The following ACTN1 variants were observed in gnomAD, a reference collection of about 807,000 sequenced individuals.
ACTN1 encodes alpha-actinin-1.
A neutral mutation model predicts 119.6 loss-of-function variants in ACTN1; 30 were observed. The observed-to-expected ratio is 0.25, with a 90% CI of 0.19 to 0.34. The LOEUF (loss-of-function observed/expected upper bound fraction) is 0.34, where lower values mean the gene tolerates loss of function less well. Among genes scored for constraint, ACTN1 ranks in the 10% least tolerant of loss-of-function variants. The pLI is 1.00. For synonymous variants in ACTN1, 429 were observed against 472.6 expected (o/e 0.91, Z 1.20); for missense variants, 764 against 1,223.4 (o/e 0.62, Z 5.60).
rs770779322 is a variant in ACTN1, at chr14:68,879,085, G to A, written c.2281-16C>T. ...CGGAGTGATCCTGGGGCCGCGGTGC[G>A]CCAGGCAGCGAGCCATGCGGTGTCA... On this transcript the variant is annotated splice_polypyrimidine_tract_variant and intron_variant, in intron 18 of 21. Transcript: ENST00000394419. The surrounding 1 kb of genome is among the most constrained non-coding windows in gnomAD (Gnocchi z 4.9). The A allele has an allele frequency of 3.3e-5, 53 of 1,597,826 alleles. No homozygotes were observed. The highest frequency in any genetic ancestry group is 1.5e-4 in the African/African-American group (11 of 74,218).
intron 3 of ACTN1, among the ~76,000 whole-genome samples, chr14:68,914,236 G>A (rs146976223): frequency 2.9e-3 from 445 of 151,652 alleles, no homozygotes; most frequent in Non-Finnish European, 4.4e-3. Flanking sequence ...TAAAGGAATC[G>A]GCTCATAAAT....
intron 1 of ACTN1, among the ~76,000 whole-genome samples, chr14:68,961,976 G>A (rs1378097072): frequency 6.6e-6 from 1 of 152,110 alleles, no homozygotes; most frequent in Non-Finnish European, 1.5e-5. Context: ...CTTGCCCTCG[G>A]CACCCATCTA....
chr14:68,961,904 C>A (rs1299577202), intron 1 of ACTN1, among the ~76,000 whole-genome samples: 1 of 152,158 alleles, frequency 6.6e-6, no homozygotes, highest in Non-Finnish European at 1.5e-5. Flanking sequence ...ACCCCCACGC[C>A]CGACCGACAG....
At chr14:68,920,717 G>C (rs1337370045) in intron 3 of ACTN1, among the ~76,000 whole-genome samples, 3 of 152,182 alleles carry the variant, frequency 2.0e-5, no homozygotes, top group African/African-American at 7.2e-5. Context: ...CTCTGGATGG[G>C]GGAGGTGGCA....
intron 3 of ACTN1, among the ~76,000 whole-genome samples, chr14:68,916,704 G>A (rs1566633796): frequency 6.6e-6 from 1 of 152,084 alleles, no homozygotes; most frequent in Non-Finnish European, 1.5e-5. Context: ...GCCCCAAAGG[G>A]AGGGTTCCAA....
chr14:68,896,235 C>G (rs2032870094), intron 8 of ACTN1, among the ~76,000 whole-genome samples: 1 of 152,128 alleles, frequency 6.6e-6, no homozygotes, highest in Non-Finnish European at 1.5e-5. Flanking sequence ...ATCCTCAGAA[C>G]CTCATCCTCT....
intron 21 of ACTN1, among the ~76,000 whole-genome samples, chr14:68,875,964 T>C (rs1351028166): frequency 6.6e-6 from 1 of 152,204 alleles, no homozygotes; most frequent in Non-Finnish European, 1.5e-5. Context: ...GAAATTATAT[T>C]CCCTCCCTAT....
chr14:68,912,166 G>T lies in ACTN1; in HGVS notation c.417C>A (p.Ile139=), dbSNP rs754762263. ...TIILRFAIQD[I]SVEETSAKEG... ...AAAGCAGAAACCCACCTTCCACGGA[G>T]ATGTCCTGGATGGCAAAGCGCAGGA... The change falls in exon 4 of 22, where the codon ATC becomes ATA. Residue 139 remains isoleucine (I), a synonymous_variant. Transcript: ENST00000394419. 1 of 1,614,114 alleles carries T rather than the reference G, an allele frequency of 6.2e-7. No individual in the cohort carries two copies. The highest frequency in any genetic ancestry group is 1.7e-5 in the Admixed American group (1 of 60,016).
chr14:68,935,580 T>A (rs944718842), intron 1 of ACTN1, among the ~76,000 whole-genome samples: 32 of 151,440 alleles, frequency 2.1e-4, no homozygotes, highest in African/African-American at 7.1e-4. Context: ...GAGACGGGGT[T>A]TTGCTATGTT....
intron 3 of ACTN1, among the ~76,000 whole-genome samples, chr14:68,917,129 C>G (rs1458372440): frequency 1.3e-5 from 2 of 152,208 alleles, no homozygotes; most frequent in Non-Finnish European, 2.9e-5. Flanking sequence ...TCCAACCACT[C>G]ACCCAGGCCA....
chr14:68,955,220 G>A (rs997089873), intron 1 of ACTN1, among the ~76,000 whole-genome samples: 4 of 152,332 alleles, frequency 2.6e-5, no homozygotes, highest in Non-Finnish European at 5.9e-5. Flanking sequence ...CCCAGGTGTG[G>A]AGTCAGTAGG....
chr14:68,969,500 T>C (rs1307745689), intron 1 of ACTN1, among the ~76,000 whole-genome samples: 1 of 152,240 alleles, frequency 6.6e-6, no homozygotes, highest in African/African-American at 2.4e-5. Context: ...TTATCTATTA[T>C]CTGGAGGATG....
At chr14:68,977,415 G>A (rs11628549) in intron 1 of ACTN1, 12,798 of 153,208 alleles carry the variant, frequency 0.084, 764 homozygotes, top group Non-Finnish European at 0.13. Context: ...TTAAGCAACT[G>A]GCACATTACA....
chr14:68,885,584 A>G lies in ACTN1; in HGVS notation c.1235-9T>C. 1.9e-6 allele frequency: 3 copies of G among 1,611,508 alleles called. No individual in the cohort carries two copies. Among genetic ancestry groups the G allele is most frequent in the Non-Finnish European group, 2.5e-6 (3 of 1,179,846 alleles). On this transcript the variant is annotated splice_polypyrimidine_tract_variant and intron_variant, in intron 11 of 21. Coordinates refer to ENST00000394419, the MANE Select transcript of ACTN1 (RefSeq NM_001130004.2). The surrounding 1 kb of genome is among the most constrained non-coding windows in gnomAD (Gnocchi z 5.6). The stretch of plus-strand genomic sequence containing the variant: ...CAGCATGGCCTCTTTGCCTGGGTTG[A>G]GAGAGGGCCACATGGCTGAGCTGGA...
intron 1 of ACTN1, among the ~76,000 whole-genome samples, chr14:68,959,229 AC>A (rs1423783171): frequency 1.3e-5 from 2 of 152,162 alleles, no homozygotes; most frequent in Admixed American, 6.5e-5. Context: ...CTGAGGTTAA[AC>A]CTCTGGAAAC....
At chr14:68,915,292 C>T (rs1035595114) in intron 3 of ACTN1, among the ~76,000 whole-genome samples, 6 of 151,440 alleles carry the variant, frequency 4.0e-5, no homozygotes, top group Admixed American at 1.3e-4. Context: ...TCCTCCCCGT[C>T]CCCCCTGCTC....
chr14:68,978,076 T>G (rs534964304), intron 1 of ACTN1: 4 of 455,324 alleles, frequency 8.8e-6, no homozygotes, highest in African/African-American at 2.0e-5. Flanking sequence ...CCAGCTCCCG[T>G]GGCGGGGCGC....
At chr14:68,941,899 T>C (rs1218653002) in intron 1 of ACTN1, among the ~76,000 whole-genome samples, 1 of 152,056 alleles carries the variant, frequency 6.6e-6, no homozygotes, top group African/African-American at 2.4e-5. Context: ...ACTTGATCAA[T>C]AGGACCTCAG....
At position 68,958,339 on chromosome 14, in the gene ACTN1, G is replaced by A. The variant is rs564940213; in HGVS notation, c.105+20613C>T. 1.2e-4 allele frequency among the ~76,000 whole-genome samples: 18 copies of A among 152,212 alleles called. No homozygotes were observed. In the East Asian group the frequency reaches 1.9e-3, roughly 16 times the overall value. On this transcript the variant is annotated intron_variant, in intron 1 of 21. Coordinates refer to ENST00000394419, the MANE Select transcript of ACTN1 (RefSeq NM_001130004.2). ...ACAGACTACTAGCAGGGGACTGTCC[G>A]AGGCTCAAACCCCTGCCTGACAAGA...
Sources: allele counts gnomAD v4.1 joint callset (sites outside exome capture counted in the v4.1 genomes callset), GRCh38; gene constraint gnomAD v4.1.1; non-coding constraint Gnocchi (gnomAD v3.1); transcripts MANE v1.5; gene names NCBI Gene and HGNC (gene_info 2026-07-23, HGNC 2026-07-21).